The following MMP16 variants were observed in gnomAD, a reference collection of about 807,000 sequenced individuals.
MMP16 encodes matrix metalloproteinase-16.
In MMP16, 12 loss-of-function variants were observed where a neutral mutation model predicts 67.8. The observed-to-expected ratio is 0.18, with a 90% confidence interval of 0.11 to 0.29. The LOEUF is 0.29. Among genes scored for constraint, MMP16 ranks in the 10% least tolerant of loss-of-function variants. The pLI is 1.00. For synonymous variants in MMP16, 249 were observed against 255.9 expected (o/e 0.97, Z 0.26); for missense variants, 475 against 765.7 (o/e 0.62, Z 4.48).
chr8:88,062,106 T>A (rs1903835), intron 7 of MMP16, among the ~76,000 whole-genome samples: 1,774 of 152,240 alleles, frequency 0.012, 125 homozygotes, highest in Admixed American at 0.11. Flanking sequence ...AGTGATAACA[T>A]TTAATTTTCT....
intron 7 of MMP16, among the ~76,000 whole-genome samples, chr8:88,063,241 C>T (rs1808423451): frequency 1.3e-5 from 2 of 151,970 alleles, no homozygotes; most frequent in African/African-American, 4.8e-5. Flanking sequence ...GGATGACATT[C>T]AATCATCCAT....
chr8:88,268,845 T>C (rs771850849), intron 1 of MMP16, among the ~76,000 whole-genome samples: 12 of 152,108 alleles, frequency 7.9e-5, no homozygotes, highest in Non-Finnish European at 1.6e-4. Context: ...TTTAACTTTC[T>C]ATTCACTCTT....
intron 6 of MMP16, among the ~76,000 whole-genome samples, chr8:88,102,331 G>A (rs952627952): frequency 2.0e-5 from 3 of 151,784 alleles, no homozygotes; most frequent in African/African-American, 7.3e-5. Context: ...TTACAGATGT[G>A]TCACACAGAA....
In MMP16 at chr8:88,221,802, A is replaced by G. The variant is rs186102155; in HGVS notation, c.133-24496T>C. Reference sequence around the variant, plus strand: ...AGACTCCAGAAAGAAAGTGAAGAAAAAAGCAATTATATTTACTTTTGACAT... The same window carrying G: ...AGACTCCAGAAAGAAAGTGAAGAAAGAAGCAATTATATTTACTTTTGACAT... On this transcript the variant is annotated intron_variant, in intron 1 of 9. Transcript: ENST00000286614. Among the ~76,000 whole-genome samples, 406 of 152,192 alleles carry G rather than the reference A, an allele frequency of 2.7e-3. 4 individuals carry two copies. In the Middle Eastern group the frequency reaches 0.048, roughly 18 times the overall value.
At chr8:88,063,876 T>A (rs1013592116) in intron 7 of MMP16, among the ~76,000 whole-genome samples, 2 of 152,104 alleles carry the variant, frequency 1.3e-5, no homozygotes, top group African/African-American at 2.4e-5. Flanking sequence ...GTTTATCAAT[T>A]AACCCACTGT....
chr8:88,106,051 G>GTGTATATATATATA (rs993318577), intron 6 of MMP16, among the ~76,000 whole-genome samples: 4 of 145,412 alleles, frequency 2.8e-5, no homozygotes, highest in African/African-American at 1.0e-4. Flanking sequence ...TACACGTTAT[G>GTGTATATATATATA]TATATATATA....
chr8:88,292,558 T>C (rs1041199656), intron 1 of MMP16, among the ~76,000 whole-genome samples: 2 of 152,130 alleles, frequency 1.3e-5, no homozygotes, highest in Non-Finnish European at 2.9e-5. Flanking sequence ...CAATACCTAT[T>C]TGAAAGGTAA....
chr8:88,098,770 T>C (rs1425843398), intron 6 of MMP16, among the ~76,000 whole-genome samples: 1 of 151,890 alleles, frequency 6.6e-6, no homozygotes, highest in Non-Finnish European at 1.5e-5. Context: ...ACAAGTATAA[T>C]ATTATGAAAA....
rs1808047197 is a variant in MMP16, at chr8:88,035,834, G to T, written c.*5627C>A. Reference sequence around the variant, plus strand: ...TCATTCTTAGGCTTTCTATACTATTGGTTTAACTTTCAAAGTAGACATACG... The same window carrying T: ...TCATTCTTAGGCTTTCTATACTATTTGTTTAACTTTCAAAGTAGACATACG... On this transcript the variant is annotated 3_prime_UTR_variant, in exon 10 of 10. Transcript: ENST00000286614. This position sits in a 1 kb window ranked among gnomAD's most constrained non-coding sequence, Gnocchi z 4.7. 1 of 151,700 alleles carries T rather than the reference G, an allele frequency of 6.6e-6. No individual in the cohort carries two copies. 9.4% of individuals were successfully genotyped at this position (151,700 alleles called of 1,614,324 possible).
intron 6 of MMP16, among the ~76,000 whole-genome samples, chr8:88,086,755 A>G (rs1417915463): frequency 1.3e-5 from 2 of 151,894 alleles, no homozygotes; most frequent in Non-Finnish European, 2.9e-5. Flanking sequence ...TTCACCACCC[A>G]AGCTAAAGTT....
intron 4 of MMP16, among the ~76,000 whole-genome samples, chr8:88,142,239 A>G (rs1465877018): frequency 6.6e-6 from 1 of 152,078 alleles, no homozygotes; most frequent in Non-Finnish European, 1.5e-5. Flanking sequence ...TATATCTAAG[A>G]GCTAAAATTA....
intron 7 of MMP16, among the ~76,000 whole-genome samples, chr8:88,056,945 A>T (rs1232053907): frequency 6.6e-6 from 1 of 152,160 alleles, no homozygotes. Context: ...GACAGGCTTT[A>T]GTCAGTTTTA....
chr8:88,295,618 G>T (rs1055507963), intron 1 of MMP16, among the ~76,000 whole-genome samples: 8 of 82,402 alleles, frequency 9.7e-5, no homozygotes, highest in African/African-American at 3.9e-4. Flanking sequence ...CAGAGGGGCT[G>T]ATTTCATTAA....
At chr8:88,176,685 C>T (rs1427289314) in intron 3 of MMP16, among the ~76,000 whole-genome samples, 1 of 152,112 alleles carries the variant, frequency 6.6e-6, no homozygotes, top group Non-Finnish European at 1.5e-5. Flanking sequence ...AATCCTTTTC[C>T]AATTGATCTA....
intron 1 of MMP16, among the ~76,000 whole-genome samples, chr8:88,236,112 G>A (rs1002184361): frequency 3.3e-5 from 5 of 152,186 alleles, no homozygotes; most frequent in Admixed American, 3.3e-4. Flanking sequence ...TCATAAAGTG[G>A]AAATTTGTGC....
chr8:88,041,917 A>G lies in MMP16; in HGVS notation c.1490-122T>C. 2 of 752,224 alleles carry G rather than the reference A, an allele frequency of 2.7e-6. No individual in the cohort carries two copies. Among genetic ancestry groups the G allele is most frequent in the Non-Finnish European group, 4.2e-6 (2 of 473,568 alleles). 46.6% of individuals were successfully genotyped at this position (752,224 alleles called of 1,614,324 possible). A position where few individuals can be genotyped will look rare whatever the true frequency, so the allele number is the denominator to read the frequency against. ...TATTTTAAGGCCCTTTAATTTTCAT[A>G]GGAAGAAAACACTATTTTCAGCTCA... On this transcript the variant is annotated intron_variant, in intron 9 of 9. Transcript: ENST00000286614. The surrounding 1 kb of genome is among the most constrained non-coding windows in gnomAD (Gnocchi z 6.0).
At chr8:88,046,261 T>C (rs995377739) in intron 9 of MMP16, among the ~76,000 whole-genome samples, 6 of 152,174 alleles carry the variant, frequency 3.9e-5, no homozygotes, top group Non-Finnish European at 5.9e-5. Context: ...AAAGAATAGA[T>C]ACAAAATTAT....
chr8:88,319,663 G>A (rs1343867272), intron 1 of MMP16, among the ~76,000 whole-genome samples: 4 of 152,142 alleles, frequency 2.6e-5, no homozygotes, highest in African/African-American at 9.7e-5. Flanking sequence ...GCCGCATGCA[G>A]AGGCACATGT....
In MMP16 at chr8:88,163,301, T is replaced by C. The variant is rs564611908; in HGVS notation, c.709+4368A>G. ...GAATGAGTGGGTTTGGATGCAGATG[T>C]CAATCACTTCACAGTGAATGATGAA... On this transcript the variant is annotated intron_variant, in intron 4 of 9. Coordinates refer to ENST00000286614, the MANE Select transcript of MMP16 (RefSeq NM_005941.5). Among the ~76,000 whole-genome samples, 3 of 152,226 alleles carry C rather than the reference T, an allele frequency of 2.0e-5. No individual in the cohort carries two copies. In the East Asian group the frequency reaches 5.8e-4, roughly 29 times the overall value.
Sources: gnomAD v4.1 joint callset for allele counts (sites outside exome capture counted in the v4.1 genomes callset) on GRCh38, gnomAD v4.1.1 for gene constraint, Gnocchi (gnomAD v3.1) non-coding constraint, MANE v1.5 for transcripts, NCBI Gene and HGNC (gene_info 2026-07-23, HGNC 2026-07-21) for gene names.